The following CHMP3 variants were observed in gnomAD, a reference collection of about 807,000 sequenced individuals.
The protein encoded by CHMP3 is charged multivesicular body protein 3.
Under a neutral mutation model 27.4 loss-of-function variants are expected in CHMP3, and 8 were observed. The ratio of observed to expected loss-of-function variants is 0.29; its 90% CI spans 0.17 to 0.53. CHMP3 has a LOEUF of 0.53. CHMP3 is among the 20% of genes least tolerant of loss of function. The pLI, the probability that CHMP3 is intolerant of heterozygous loss-of-function variation, is 0.96. For synonymous variants in CHMP3, 86 were observed against 85.5 expected (o/e 1.01, Z -0.03); for missense variants, 208 against 271.5 (o/e 0.77, Z 1.64).
chr2:86,548,679 C>T (rs978276759), intron 1 of CHMP3, among the ~76,000 whole-genome samples: 2 of 152,232 alleles, frequency 1.3e-5, no homozygotes, highest in Admixed American at 1.3e-4. Context: ...GTCATCATGG[C>T]CTGTTCTCGA....
chr2:86,507,022 T>A (rs112966854), intron 5 of CHMP3: 5,975 of 102,232 alleles, frequency 0.058, 171 homozygotes, highest in African/African-American at 0.16. Flanking sequence ...TTAGGTCAAA[T>A]TTTTTTTTTT....
At chr2:86,517,107 T>C (rs72932350) in intron 3 of CHMP3, among the ~76,000 whole-genome samples, 32,578 of 152,132 alleles carry the variant, frequency 0.21, 4,872 homozygotes, top group African/African-American at 0.42. Flanking sequence ...TCTAAAAACA[T>C]AAGCCTTAAT....
chr2:86,555,508 A>AAAAT (rs1031862799), intron 1 of CHMP3, among the ~76,000 whole-genome samples: 1 of 150,960 alleles, frequency 6.6e-6, no homozygotes, highest in Non-Finnish European at 1.5e-5. Flanking sequence ...CTCAAAAAAA[A>AAAAT]AAATAAATAA....
intron 3 of CHMP3, chr2:86,511,947 A>T (rs1214061149): frequency 6.6e-6 from 1 of 152,190 alleles, no homozygotes; most frequent in Non-Finnish European, 1.5e-5. Context: ...AGAAGGTACA[A>T]GAAGGGAAGA....
At chr2:86,550,414 A>G (rs1249712014) in intron 1 of CHMP3, among the ~76,000 whole-genome samples, 1 of 134,686 alleles carries the variant, frequency 7.4e-6, no homozygotes, top group East Asian at 2.0e-4. Context: ...GAGAGGGAGA[A>G]AGGGAGAGGG....
chr2:86,548,608 C>T (rs557130800), intron 1 of CHMP3, among the ~76,000 whole-genome samples: 10 of 152,296 alleles, frequency 6.6e-5, no homozygotes, highest in African/African-American at 2.4e-4. Flanking sequence ...ACACAGTAAC[C>T]ATCTGATCTG....
chr2:86,542,169 T>C (rs1383150703), intron 2 of CHMP3, 83 bp downstream of exon 2: 2 of 1,383,418 alleles, frequency 1.4e-6, no homozygotes, highest in African/African-American at 1.4e-5. Context: ...TGTCTTATGA[T>C]ATATAAATGC....
Position 86,509,370 on chromosome 2 carries a change from G to A in CHMP3, c.408+988C>T, listed in dbSNP as rs1306739091. ...ACCCAGTTCCTTCCTTACTGCTACTGCCCAAGGAGTTCTCATTCAAACAAC... is the reference window on the plus strand; with the variant it reads ...ACCCAGTTCCTTCCTTACTGCTACTACCCAAGGAGTTCTCATTCAAACAAC... On this transcript the variant is annotated intron_variant, in intron 4 of 5. Transcript: ENST00000263856. Among the ~76,000 whole-genome samples, 3 of 152,268 alleles carry A rather than the reference G, an allele frequency of 2.0e-5. No homozygotes were observed. In the South Asian group the frequency reaches 6.2e-4, roughly 32 times the overall value.
intron 2 of CHMP3, among the ~76,000 whole-genome samples, chr2:86,536,848 T>C (rs564790232): frequency 2.0e-5 from 3 of 152,200 alleles, no homozygotes; most frequent in African/African-American, 7.2e-5. Flanking sequence ...GTTGGTCTAC[T>C]TGATGATGTC....
chr2:86,529,470 G>T, intron 2 of CHMP3, 73 bp from the exon 3 acceptor site: 2 of 1,357,642 alleles, frequency 1.5e-6, no homozygotes, highest in South Asian at 1.7e-5. Flanking sequence ...TTCTTATTGT[G>T]ATCTAAATGT....
At chr2:86,516,146 C>CGAA (rs1675295034) in intron 3 of CHMP3, among the ~76,000 whole-genome samples, 1 of 83,686 alleles carries the variant, frequency 1.2e-5, no homozygotes, top group Non-Finnish European at 2.1e-5. Flanking sequence ...GACTCCATCT[C>CGAA]AAAAAAAAAA....
intron 1 of CHMP3, among the ~76,000 whole-genome samples, chr2:86,561,456 A>C (rs1484383306): frequency 1.3e-5 from 2 of 152,144 alleles, no homozygotes; most frequent in Non-Finnish European, 2.9e-5. Context: ...ATCACCTGGG[A>C]GCTTATTAGA....
chr2:86,509,453 C>T (rs1019292025), intron 4 of CHMP3, among the ~76,000 whole-genome samples: 7 of 152,202 alleles, frequency 4.6e-5, no homozygotes, highest in Non-Finnish European at 8.8e-5. Flanking sequence ...GCCCCTCTCT[C>T]CCATGCCCTA....
intron 4 of CHMP3, 81 bp downstream of exon 4, chr2:86,510,277 C>CCCCCCAA: frequency 8.9e-7 from 1 of 1,118,948 alleles, no homozygotes. Flanking sequence ...CATCCCCACC[C>CCCCCCAA]ACCCTCATCC....
At chr2:86,510,644 T>G (rs1453805397) in intron 3 of CHMP3, 165 bp from the exon 4 acceptor site, 2 of 988,272 alleles carry the variant, frequency 2.0e-6, no homozygotes, top group African/African-American at 1.6e-5. Context: ...GAGATTGACT[T>G]TCCTAAATTG....
chr2:86,559,160 G>T (rs1677248560), intron 1 of CHMP3, among the ~76,000 whole-genome samples: 1 of 152,118 alleles, frequency 6.6e-6, no homozygotes, highest in Non-Finnish European at 1.5e-5. Context: ...ATCAGTTGAG[G>T]GTCTGGACAT....
intron 1 of CHMP3, chr2:86,562,319 G>C (rs1677404698): frequency 2.0e-5 from 3 of 151,886 alleles, no homozygotes; most frequent in Admixed American, 2.0e-4. Flanking sequence ...TTGCAGAGCA[G>C]TGCTTCTCAA....
chr2:86,550,043 T>C (rs916417298), intron 1 of CHMP3, among the ~76,000 whole-genome samples: 6 of 152,024 alleles, frequency 3.9e-5, no homozygotes, highest in African/African-American at 1.4e-4. Flanking sequence ...AAGGTGGAGG[T>C]TGCAGCGAGC....
chr2:86,553,762 A>G (rs2104034723), intron 1 of CHMP3, among the ~76,000 whole-genome samples: 1 of 152,378 alleles, frequency 6.6e-6, no homozygotes, highest in East Asian at 1.9e-4. Context: ...ATTCAATGAT[A>G]TGAAGGTATT....
Sources: gnomAD v4.1 joint callset for allele counts (sites outside exome capture counted in the v4.1 genomes callset) on GRCh38, gnomAD v4.1.1 for gene constraint, MANE v1.5 for transcripts, NCBI Gene and HGNC (gene_info 2026-07-23, HGNC 2026-07-21) for gene names.